SBF2: variants seen among roughly 807,000 people sequenced by gnomAD.
SBF2 encodes SET binding factor 2, also known as myotubularin-related protein 13.
Under a neutral mutation model 225.2 loss-of-function variants are expected in SBF2, and 112 were observed. The observed-to-expected ratio is 0.50, with a 90% CI of 0.43 to 0.58. The LOEUF (loss-of-function observed/expected upper bound fraction) is 0.58. Among genes scored for constraint, SBF2 ranks in the 20% least tolerant of loss-of-function variants. SBF2 has a pLI of 0.00. For missense variants in SBF2, 1,996 were observed against 2,206.2 expected, an observed-to-expected ratio of 0.90 and a Z score of 1.91; for synonymous variants, 763 against 773.3, an observed-to-expected ratio of 0.99 and a Z score of 0.22.
At chr11:9,884,037 T>C (rs1268277104) in intron 17 of SBF2, among the ~76,000 whole-genome samples, 1 of 152,210 alleles carries the variant, frequency 6.6e-6, no homozygotes, top group Non-Finnish European at 1.5e-5. Context: ...TTCTGGAATT[T>C]TTAAGACACT....
chr11:10,126,314 T>C (rs1953753729), intron 2 of SBF2, among the ~76,000 whole-genome samples: 1 of 152,148 alleles, frequency 6.6e-6, no homozygotes, highest in Non-Finnish European at 1.5e-5. Context: ...TATACCTAAT[T>C]TGTTCATTTT....
intron 1 of SBF2, among the ~76,000 whole-genome samples, chr11:10,267,951 A>G (rs1962151498): frequency 6.6e-6 from 1 of 152,130 alleles, no homozygotes; most frequent in Non-Finnish European, 1.5e-5. Context: ...ATTAACTCCA[A>G]TCTCATGTGG....
chr11:10,173,414 A>G (rs566769950), intron 2 of SBF2, among the ~76,000 whole-genome samples: 9 of 152,340 alleles, frequency 5.9e-5, no homozygotes, highest in Admixed American at 5.9e-4. Flanking sequence ...GCACCTGGAA[A>G]ATCAGTTCAC....
chr11:9,947,776 T>TA (rs200914850), intron 16 of SBF2, among the ~76,000 whole-genome samples: 10,321 of 149,422 alleles, frequency 0.069, 511 homozygotes, highest in East Asian at 0.28. Flanking sequence ...TGGCTACTAT[T>TA]AAAAAAAAAA....
chr11:10,222,375 T>A (rs922200195), intron 1 of SBF2, among the ~76,000 whole-genome samples: 5 of 151,802 alleles, frequency 3.3e-5, no homozygotes, highest in African/African-American at 1.2e-4. Context: ...ATGATTCTGC[T>A]TAATGATGCA....
At chr11:10,203,817 C>A (rs1316708353) in intron 1 of SBF2, among the ~76,000 whole-genome samples, 1 of 151,718 alleles carries the variant, frequency 6.6e-6, no homozygotes. Context: ...TAGAAACTTC[C>A]AAAATGAAAC....
intron 1 of SBF2, among the ~76,000 whole-genome samples, chr11:10,284,822 C>T (rs1963638764): frequency 6.6e-6 from 1 of 151,708 alleles, no homozygotes; most frequent in Non-Finnish European, 1.5e-5. Context: ...CAAGGTCTCA[C>T]TATGTTGCCT....
At chr11:10,237,793 C>G (rs1166594091) in intron 1 of SBF2, among the ~76,000 whole-genome samples, 1 of 152,178 alleles carries the variant, frequency 6.6e-6, no homozygotes, top group Non-Finnish European at 1.5e-5. Context: ...CTCCACATTC[C>G]TAAACCACCA....
intron 16 of SBF2, chr11:9,960,260 T>A (rs370855207): frequency 6.6e-6 from 1 of 152,298 alleles, no homozygotes; most frequent in South Asian, 2.1e-4. Flanking sequence ...AATTTTAATG[T>A]AGTCAAATTT....
chr11:10,214,140 T>C (rs1958038270), intron 1 of SBF2, among the ~76,000 whole-genome samples: 1 of 152,170 alleles, frequency 6.6e-6, no homozygotes. Flanking sequence ...GGTAACTCTT[T>C]GTTGTGGTGG....
intron 16 of SBF2, among the ~76,000 whole-genome samples, chr11:9,927,457 G>A (rs898410615): frequency 3.9e-5 from 6 of 152,088 alleles, no homozygotes; most frequent in South Asian, 2.1e-4. Context: ...AAGTTAAACC[G>A]GATGCAGTAC....
chr11:9,780,900 C>A (rs947372541), intron 39 of SBF2: 13 of 314,930 alleles, frequency 4.1e-5, no homozygotes, highest in African/African-American at 2.2e-4. Flanking sequence ...TTCATGCATA[C>A]CATAAAGTTG....
chr11:9,990,299 T>A (rs941657212), intron 12 of SBF2, among the ~76,000 whole-genome samples: 1 of 152,196 alleles, frequency 6.6e-6, no homozygotes, highest in Non-Finnish European at 1.5e-5. Flanking sequence ...TATTCTAGGC[T>A]AGGATAAAGA....
chr11:10,061,570 G>C (rs1168479518), intron 2 of SBF2, among the ~76,000 whole-genome samples: 1 of 151,938 alleles, frequency 6.6e-6, no homozygotes, highest in Non-Finnish European at 1.5e-5. Context: ...AGCCAAATCA[G>C]AAAGGCAACC....
chr11:9,943,924 A>C (rs1437889849), intron 16 of SBF2, among the ~76,000 whole-genome samples: 1 of 152,212 alleles, frequency 6.6e-6, no homozygotes, highest in African/African-American at 2.4e-5. Context: ...GGAGACATCT[A>C]TTAGGAATGG....
intron 2 of SBF2, among the ~76,000 whole-genome samples, chr11:10,048,124 C>T (rs1367462213): frequency 1.3e-5 from 2 of 152,104 alleles, no homozygotes; most frequent in Non-Finnish European, 2.9e-5. Context: ...GGTCCCCTCA[C>T]TAATATCAAA....
chr11:10,032,926 C>A (rs1342264440), intron 3 of SBF2, among the ~76,000 whole-genome samples: 1 of 152,168 alleles, frequency 6.6e-6, no homozygotes, highest in Non-Finnish European at 1.5e-5. Flanking sequence ...ATATTTTCTA[C>A]TTCCTTTAGA....
chr11:9,859,854 A>G (rs1349347722), intron 17 of SBF2, among the ~76,000 whole-genome samples: 1 of 152,214 alleles, frequency 6.6e-6, no homozygotes, highest in Non-Finnish European at 1.5e-5. Context: ...GTCTCTGTGT[A>G]CTACATGCCA....
At chr11:10,289,767 C>T (rs991720415) in intron 1 of SBF2, among the ~76,000 whole-genome samples, 3 of 152,172 alleles carry the variant, frequency 2.0e-5, no homozygotes, top group Non-Finnish European at 4.4e-5. Flanking sequence ...GGCACTGCTC[C>T]CACTTCCGGC....
Sources: gnomAD v4.1 joint callset for allele counts (sites outside exome capture counted in the v4.1 genomes callset) on GRCh38, gnomAD v4.1.1 for gene constraint, MANE v1.5 for transcripts, NCBI Gene and HGNC (gene_info 2026-07-23, HGNC 2026-07-21) for gene names.